FAM184B: variants seen among roughly 807,000 people sequenced by gnomAD.
The protein encoded by FAM184B is protein FAM184B.
In FAM184B, 111 loss-of-function variants were observed where a neutral mutation model predicts 135.9. The ratio of observed to expected loss-of-function variants is 0.82; its 90% CI spans 0.70 to 0.96. FAM184B has a LOEUF of 0.96. FAM184B is among the 40% of genes least tolerant of loss of function. The pLI is 0.00. For synonymous variants in FAM184B, 552 were observed against 524.8 expected (o/e 1.05, Z -0.71); for missense variants, 1,375 against 1,323.9 (o/e 1.04, Z -0.60).
At position 17,684,266 on chromosome 4, in the gene FAM184B, GA is replaced by G. The variant is rs781596751; in HGVS notation, c.1596+4157del. Among the ~76,000 whole-genome samples the G allele has an allele frequency of 2.7e-5, 4 of 148,634 alleles. No individual in the cohort carries two copies. In the East Asian group the frequency reaches 7.8e-4, roughly 29 times the overall value. On this transcript the variant is annotated intron_variant, in intron 7 of 17. Coordinates refer to ENST00000265018, the MANE Select transcript of FAM184B (RefSeq NM_015688.2). ...TCATGAGAGTATCCTATCATTTATAGAAAAAACTCCATAATTATGCCTGTAT... is the reference window on the plus strand; with the variant it reads ...TCATGAGAGTATCCTATCATTTATAGAAAAACTCCATAATTATGCCTGTAT...
chr4:17,658,698 G>A, intron 9 of FAM184B, 136 bp from the exon 10 acceptor site: 2 of 862,942 alleles, frequency 2.3e-6, no homozygotes, highest in Middle Eastern at 3.5e-4. Context: ...AGGGATGGAA[G>A]CTGCAAGCTT....
intron 1 of FAM184B, among the ~76,000 whole-genome samples, chr4:17,736,734 C>G (rs1295055569): frequency 6.6e-6 from 1 of 152,184 alleles, no homozygotes; most frequent in African/African-American, 2.4e-5. Flanking sequence ...CATCTCACCT[C>G]CCTCTTGCCT....
rs144517367 is a variant in FAM184B at position 17,760,863 on chromosome 4, T to G, written c.141+20296A>C. Among the ~76,000 whole-genome samples, 378 of 152,312 alleles carry G rather than the reference T, an allele frequency of 2.5e-3. 1 individual carries two copies. Among genetic ancestry groups the G allele is most frequent in the African/African-American group, 8.7e-3 (363 of 41,574 alleles). ...CTCCAAGGCACTTCGGGATTTTCAG[T>G]TGAGTCGTGCTGTAGAGAACTGAAG... On this transcript the variant is annotated intron_variant, in intron 1 of 17. Transcript: ENST00000265018.
In FAM184B at chr4:17,636,617, T is replaced by G; in HGVS notation, c.2695A>C (p.Lys899Gln). The change falls in exon 15 of 18, where the codon AAG (lysine) becomes CAG (glutamine). Residue 899 changes from lysine (K) to glutamine (Q), a missense_variant. Lys to Gln is a moderately conservative substitution (Grantham distance 53, BLOSUM62 1). Transcript: ENST00000265018. ...AGGTCCTCGGGCCTGGACGCTCCCT[T>G]CCCTGGCTTCTCTCCGGAATCTTTC... is the stretch of plus-strand genomic sequence containing the variant. ...ELKDSGEKPGKGASRPEDLQL... is the reference protein window; with the variant it reads ...ELKDSGEKPGQGASRPEDLQL... The G allele has an allele frequency of 1.3e-6, 2 of 1,550,470 alleles. No homozygotes were observed. The highest frequency in any genetic ancestry group is 2.4e-5 in the South Asian group (2 of 84,052).
chr4:17,629,960 TAAA>T lies in FAM184B; in HGVS notation c.*2569_*2571del, dbSNP rs1210516167. 7.9e-5 allele frequency: 12 copies of T among 152,130 alleles called. No individual in the cohort carries two copies. Among genetic ancestry groups the T allele is most frequent in the Non-Finnish European group, 4.4e-5 (3 of 68,020 alleles). The allele number at this position is 152,130 out of a possible 1,614,324, so 9.4% of individuals were successfully genotyped here. On this transcript the variant is annotated 3_prime_UTR_variant, in exon 18 of 18. Coordinates refer to ENST00000265018, the MANE Select transcript of FAM184B (RefSeq NM_015688.2). Reference sequence around the variant, plus strand: ...CAATACCCAAGGCATATGGCCTCAATAAAAAATTATGGAAGCATGCAAAGATTT... The same window carrying T: ...CAATACCCAAGGCATATGGCCTCAATAAATTATGGAAGCATGCAAAGATTT...
At position 17,770,293 on chromosome 4, in the gene FAM184B, C is replaced by T. The variant is rs538063268; in HGVS notation, c.141+10866G>A. Among the ~76,000 whole-genome samples the T allele has an allele frequency of 5.3e-5, 8 of 152,320 alleles. No homozygotes were observed. The East Asian group carries it at 1.5e-3, about 29-fold the overall frequency. On this transcript the variant is annotated intron_variant, in intron 1 of 17. Transcript: ENST00000265018. ...TGTGTGAGTGGGCAAGAGTGGGCCA[C>T]AAGGCCAGTGCGGGCGTCATAGCAG...
At chr4:17,746,798 G>A (rs961282462) in intron 1 of FAM184B, among the ~76,000 whole-genome samples, 4 of 151,746 alleles carry the variant, frequency 2.6e-5, no homozygotes, top group Admixed American at 2.6e-4. Context: ...AGCACTTTGG[G>A]AGGCTGAGGC....
chr4:17,635,340 A>T (rs1417477998), intron 15 of FAM184B, among the ~76,000 whole-genome samples: 2 of 152,192 alleles, frequency 1.3e-5, no homozygotes, highest in Non-Finnish European at 2.9e-5. Flanking sequence ...ATGCCTTAGG[A>T]AATTGAAAAT....
intron 5 of FAM184B, among the ~76,000 whole-genome samples, chr4:17,696,250 A>G (rs959132009): frequency 6.6e-6 from 1 of 152,238 alleles, no homozygotes; most frequent in Non-Finnish European, 1.5e-5. Flanking sequence ...TGAACTCAGG[A>G]AAGCCTGATT....
At chr4:17,698,089 C>CA (rs1437691482) in intron 5 of FAM184B, among the ~76,000 whole-genome samples, 1 of 149,502 alleles carries the variant, frequency 6.7e-6, no homozygotes, top group African/African-American at 2.5e-5. Flanking sequence ...AAAAAAAAAA[C>CA]AAACAAAAAA....
intron 1 of FAM184B, among the ~76,000 whole-genome samples, chr4:17,750,309 C>T (rs899861031): frequency 2.6e-5 from 4 of 152,180 alleles, no homozygotes; most frequent in African/African-American, 9.7e-5. Flanking sequence ...ACTTAATTCC[C>T]ATGATTCAGT....
chr4:17,765,981 C>T (rs1312390185), intron 1 of FAM184B, among the ~76,000 whole-genome samples: 3 of 152,128 alleles, frequency 2.0e-5, no homozygotes, highest in Admixed American at 6.5e-5. Flanking sequence ...TTCATTCCCC[C>T]CGGCAGGTTC....
chr4:17,667,152 G>T (rs905802892), intron 7 of FAM184B, among the ~76,000 whole-genome samples: 2 of 151,850 alleles, frequency 1.3e-5, no homozygotes, highest in Admixed American at 1.3e-4. Context: ...TAGGCACAGG[G>T]TCTTGCTATG....
intron 1 of FAM184B, among the ~76,000 whole-genome samples, chr4:17,742,157 TATATA>T (rs1718059144): frequency 1.9e-5 from 2 of 105,814 alleles, no homozygotes; most frequent in Non-Finnish European, 1.9e-5. Context: ...TATATATATA[TATATA>T]TATATATTTT....
At chr4:17,645,190 C>T (rs1410516931) in intron 12 of FAM184B, among the ~76,000 whole-genome samples, 5 of 152,308 alleles carry the variant, frequency 3.3e-5, no homozygotes, top group East Asian at 1.9e-4. Context: ...CCATCCCCAT[C>T]GAGCTACCAA....
At chr4:17,722,510 G>A (rs915823612) in intron 1 of FAM184B, among the ~76,000 whole-genome samples, 4 of 152,210 alleles carry the variant, frequency 2.6e-5, no homozygotes, top group Non-Finnish European at 4.4e-5. Flanking sequence ...CTGTTGCTAG[G>A]CACCTAGCTG....
At chr4:17,720,926 A>G (rs1262420172) in intron 1 of FAM184B, among the ~76,000 whole-genome samples, 2 of 151,736 alleles carry the variant, frequency 1.3e-5, no homozygotes, top group African/African-American at 4.8e-5. Context: ...AGAAAAGAAA[A>G]AGAAATTAAA....
chr4:17,740,295 T>C (rs1718003424), intron 1 of FAM184B, among the ~76,000 whole-genome samples: 1 of 134,582 alleles, frequency 7.4e-6, no homozygotes. Context: ...GAGGTTGCAG[T>C]GAGCTGAGAT....
At chr4:17,730,390 A>G (rs1184815865) in intron 1 of FAM184B, among the ~76,000 whole-genome samples, 1 of 152,180 alleles carries the variant, frequency 6.6e-6, no homozygotes, top group Admixed American at 6.6e-5. Context: ...GCAGGCCAAC[A>G]TTCAGATTCA....
Sources: gnomAD v4.1 joint callset for allele counts (sites outside exome capture counted in the v4.1 genomes callset) on GRCh38, gnomAD v4.1.1 for gene constraint, MANE v1.5 for transcripts, NCBI Gene and HGNC (gene_info 2026-07-23, HGNC 2026-07-21) for gene names.